The following ST6GAL1 variants were observed in gnomAD, a reference collection of about 807,000 sequenced individuals.
The protein encoded by ST6GAL1 is beta-galactoside alpha-2,6-sialyltransferase 1.
ST6GAL1 carries 20 observed loss-of-function variants against 38.0 expected under a neutral mutation model. The observed-to-expected ratio is 0.53, with a 90% confidence interval of 0.37 to 0.77. The LOEUF is 0.77. Among genes scored for constraint, ST6GAL1 ranks in the 30% least tolerant of loss-of-function variants. The pLI, the probability that ST6GAL1 is intolerant of heterozygous loss-of-function variation, is 0.00. For synonymous variants in ST6GAL1, 196 were observed against 188.2 expected (o/e 1.04, Z -0.34); for missense variants, 432 against 496.4 (o/e 0.87, Z 1.23).
intron 5 of ST6GAL1, among the ~76,000 whole-genome samples, chr3:187,066,147 T>A (rs538494752): frequency 5.3e-5 from 8 of 152,224 alleles, no homozygotes; most frequent in African/African-American, 1.9e-4. Flanking sequence ...GCTGGGTGAT[T>A]TTGATGGAAC....
At position 186,995,518 on chromosome 3, in the gene ST6GAL1, ATAAT is replaced by A. The variant is rs763578660; in HGVS notation, c.-183+31593_-183+31596del. 1.5e-4 allele frequency among the ~76,000 whole-genome samples: 19 copies of A among 128,110 alleles called. 1 individual carries two copies. Among genetic ancestry groups the A allele is most frequent in the East Asian group, 4.5e-4 (2 of 4,400 alleles). The allele number at this position is 128,110 out of a possible 152,430, so 84.0% of individuals were successfully genotyped here. A position where few individuals can be genotyped will look rare whatever the true frequency, so the allele number is the denominator to read the frequency against. On this transcript the variant is annotated intron_variant, in intron 2 of 7. Transcript: ENST00000169298. ...GAGACACCATCTCAAAAAAAAAATAATAATAAAATAAAAAAAAAATAAAGAAATT... is the reference window on the plus strand; with the variant it reads ...GAGACACCATCTCAAAAAAAAAATAAAAAATAAAAAAAAAATAAAGAAATT...
intron 1 of ST6GAL1, among the ~76,000 whole-genome samples, chr3:186,938,369 T>C (rs1220410293): frequency 2.6e-5 from 4 of 152,226 alleles, no homozygotes; most frequent in Admixed American, 6.5e-5. Flanking sequence ...TAAGCTTCAA[T>C]TTCCTTCTCT....
chr3:187,010,852 A>G (rs1018874758), intron 2 of ST6GAL1, among the ~76,000 whole-genome samples: 1 of 152,216 alleles, frequency 6.6e-6, no homozygotes, highest in Non-Finnish European at 1.5e-5. Context: ...ACTTTCCTGT[A>G]ACCATTCATC....
intron 2 of ST6GAL1, among the ~76,000 whole-genome samples, chr3:187,008,297 G>A (rs1250700801): frequency 6.6e-6 from 1 of 150,648 alleles, no homozygotes; most frequent in African/African-American, 2.4e-5. Flanking sequence ...CACATTATAC[G>A]TAAGAAAAGG....
Position 187,013,116 on chromosome 3 carries a change from C to T in ST6GAL1, c.-182-25626C>T, listed in dbSNP as rs551874996. Among the ~76,000 whole-genome samples the T allele has an allele frequency of 3.9e-5, 6 of 152,318 alleles. No homozygotes were observed. In the East Asian group the frequency reaches 7.7e-4, roughly 20 times the overall value. On this transcript the variant is annotated intron_variant, in intron 2 of 7. Transcript: ENST00000169298. ...AATTCATAATGGAGGAGACCTTTAG[C>T]GTCTTAAGTGTTTCTTGAACACTGT...
chr3:187,059,537 T>C (rs765289751), intron 5 of ST6GAL1, among the ~76,000 whole-genome samples: 12 of 152,232 alleles, frequency 7.9e-5, no homozygotes, highest in Non-Finnish European at 1.6e-4. Flanking sequence ...GAGTAGACTG[T>C]GGCAGTCAGT....
chr3:186,976,364 A>G (rs1715521274), intron 2 of ST6GAL1, among the ~76,000 whole-genome samples: 1 of 152,194 alleles, frequency 6.6e-6, no homozygotes, highest in Admixed American at 6.5e-5. Context: ...ATTGAAGTCC[A>G]TTTACTGAGT....
rs1215061699 is a variant in ST6GAL1 at position 187,018,736 on chromosome 3, G to C, written c.-182-20006G>C. Among the ~76,000 whole-genome samples, 3 of 152,202 alleles carry C rather than the reference G, an allele frequency of 2.0e-5. No homozygotes were observed. In the East Asian group the frequency reaches 5.8e-4, roughly 29 times the overall value. On this transcript the variant is annotated intron_variant, in intron 2 of 7. Coordinates refer to ENST00000169298, the MANE Select transcript of ST6GAL1 (RefSeq NM_173216.2). ...GCAACACCCTCACAGACACGCCCAG[G>C]ATCAATACTTTGCATCCTTCAATCC...
chr3:187,040,820 A>G (rs1718100934), intron 3 of ST6GAL1, among the ~76,000 whole-genome samples: 1 of 152,158 alleles, frequency 6.6e-6, no homozygotes, highest in African/African-American at 2.4e-5. Flanking sequence ...ACATTTAATC[A>G]TTTCCACAAC....
chr3:186,941,045 A>G (rs1471830107), intron 1 of ST6GAL1, among the ~76,000 whole-genome samples: 2 of 152,204 alleles, frequency 1.3e-5, no homozygotes, highest in Non-Finnish European at 2.9e-5. Context: ...AAGGGCTCTC[A>G]GGAAGCTACC....
intron 2 of ST6GAL1, among the ~76,000 whole-genome samples, chr3:186,979,988 C>T (rs988894133): frequency 1.3e-5 from 2 of 152,136 alleles, no homozygotes; most frequent in Admixed American, 6.5e-5. Flanking sequence ...TTTATTCCTC[C>T]GTATACCCTA....
intron 2 of ST6GAL1, among the ~76,000 whole-genome samples, chr3:186,984,806 TCCTTCCTTCCTTCCTTCCTTCCC>T (rs1715841431): frequency 7.6e-5 from 2 of 26,154 alleles, no homozygotes; most frequent in African/African-American, 2.8e-4. Flanking sequence ...CTTCCTTCCA[TCCTTCCTTCCTTCCTTCCTTCCC>T]TCCCTCCCTC....
chr3:187,022,686 C>T (rs191108516), intron 2 of ST6GAL1, among the ~76,000 whole-genome samples: 3 of 151,700 alleles, frequency 2.0e-5, no homozygotes, highest in African/African-American at 7.3e-5. Flanking sequence ...CACGTTTCCC[C>T]CACCAAAGAT....
intron 2 of ST6GAL1, among the ~76,000 whole-genome samples, chr3:186,967,825 G>T (rs941097332): frequency 7.9e-5 from 12 of 152,358 alleles, no homozygotes; most frequent in Middle Eastern, 3.4e-3. Flanking sequence ...AGTCTGTTCT[G>T]CTGACTGTCT....
chr3:186,984,798 T>A, intron 2 of ST6GAL1, among the ~76,000 whole-genome samples: 1 of 40,314 alleles, frequency 2.5e-5, no homozygotes, highest in South Asian at 1.1e-3. Flanking sequence ...CTTCCTTCCT[T>A]CCTTCCATCC....
At chr3:187,070,424 C>CTTT (rs34389560) in intron 5 of ST6GAL1, among the ~76,000 whole-genome samples, 2 of 99,118 alleles carry the variant, frequency 2.0e-5, no homozygotes, top group Non-Finnish European at 1.9e-5. Context: ...AACACTTGCT[C>CTTT]TTTTTTTTTT....
At chr3:186,954,097 C>T (rs1714670416) in intron 1 of ST6GAL1, among the ~76,000 whole-genome samples, 1 of 152,084 alleles carries the variant, frequency 6.6e-6, no homozygotes, top group African/African-American at 2.4e-5. Flanking sequence ...TTTTCTCTTC[C>T]TGTGTTAGTT....
At chr3:186,950,090 C>T (rs140137926) in intron 1 of ST6GAL1, among the ~76,000 whole-genome samples, 73 of 152,046 alleles carry the variant, frequency 4.8e-4, no homozygotes, top group African/African-American at 1.8e-3. Context: ...GAAGGGGGCA[C>T]AAAGGAAAGC....
chr3:186,973,092 A>G (rs1279159627), intron 2 of ST6GAL1, among the ~76,000 whole-genome samples: 1 of 151,922 alleles, frequency 6.6e-6, no homozygotes, highest in Non-Finnish European at 1.5e-5. Context: ...CTGGAGTGCA[A>G]TGGTACAATC....
Sources: gnomAD v4.1 joint callset for allele counts (sites outside exome capture counted in the v4.1 genomes callset) on GRCh38, gnomAD v4.1.1 for gene constraint, MANE v1.5 for transcripts, NCBI Gene and HGNC (gene_info 2026-07-23, HGNC 2026-07-21) for gene names.